ERI3: variants seen among roughly 807,000 people sequenced by gnomAD.
ERI3 encodes ERI1 exoribonuclease family member 3, also known as ERI1 exoribonuclease 3.
Under a neutral mutation model 44.4 loss-of-function variants are expected in ERI3, and 18 were observed. That is an observed-to-expected ratio of 0.41 (90% confidence interval 0.28 to 0.60). The LOEUF is 0.60. Ranked by LOEUF, ERI3 falls within the 20% of genes least tolerant of loss-of-function variation. The probability of loss-of-function intolerance (pLI) is 0.36; values close to 1 mark genes in which losing one functional copy is unlikely to be tolerated. For missense variants in ERI3, 294 were observed against 435.5 expected, an observed-to-expected ratio of 0.68 and a Z score of 2.89; for synonymous variants, 183 against 164.8, an observed-to-expected ratio of 1.11 and a Z score of -0.84.
At chr1:44,238,194 C>T (rs920576799) in intron 8 of ERI3, among the ~76,000 whole-genome samples, 8 of 152,116 alleles carry the variant, frequency 5.3e-5, no homozygotes, top group Non-Finnish European at 1.0e-4. Flanking sequence ...GCCTCCCTCC[C>T]CCACCAGAGC....
intron 2 of ERI3, among the ~76,000 whole-genome samples, chr1:44,350,131 G>A (rs550806213): frequency 6.6e-6 from 1 of 152,260 alleles, no homozygotes; most frequent in East Asian, 1.9e-4. Flanking sequence ...TAGGAAAATG[G>A]GTCATCCTCT....
chr1:44,298,160 C>T (rs555181738), intron 6 of ERI3, among the ~76,000 whole-genome samples: 1 of 152,364 alleles, frequency 6.6e-6, no homozygotes, highest in Admixed American at 6.5e-5. Context: ...TTATTCACTG[C>T]TGTATCCTTA....
At chr1:44,266,482 G>A (rs1478332582) in intron 7 of ERI3, among the ~76,000 whole-genome samples, 4 of 152,166 alleles carry the variant, frequency 2.6e-5, no homozygotes, top group Non-Finnish European at 5.9e-5. Flanking sequence ...AGGGTTTGAT[G>A]GTTCAGGCAC....
At chr1:44,277,857 T>C (rs569174346) in intron 7 of ERI3, among the ~76,000 whole-genome samples, 10 of 152,258 alleles carry the variant, frequency 6.6e-5, no homozygotes, top group African/African-American at 2.4e-4. Flanking sequence ...ATGTGAAAAA[T>C]AATAGCAACC....
chr1:44,353,524 G>T (rs1367934990), intron 1 of ERI3: 1 of 985,294 alleles, frequency 1.0e-6, no homozygotes, highest in African/African-American at 1.7e-5. Context: ...TTTGCATAAA[G>T]AAACACCTAG....
chr1:44,242,075 C>G (rs1388060462), intron 8 of ERI3: 1 of 985,578 alleles, frequency 1.0e-6, no homozygotes, highest in African/African-American at 1.7e-5. Flanking sequence ...CAGGCCAGTG[C>G]AGACCCTGTC....
intron 8 of ERI3, chr1:44,244,070 C>T (rs558841055): frequency 6.6e-6 from 1 of 152,376 alleles, no homozygotes; most frequent in African/African-American, 2.4e-5. Flanking sequence ...ACATAAAGTG[C>T]TTCCAAATAA....
intron 8 of ERI3, among the ~76,000 whole-genome samples, chr1:44,244,537 T>C (rs566694739): frequency 1.3e-5 from 2 of 152,266 alleles, no homozygotes; most frequent in South Asian, 4.1e-4. Context: ...TGATATATGG[T>C]AGGTCCAAGG....
chr1:44,225,563 C>T (rs780990496), intron 8 of ERI3, among the ~76,000 whole-genome samples: 5 of 152,182 alleles, frequency 3.3e-5, no homozygotes, highest in African/African-American at 4.8e-5. Flanking sequence ...GTGAGGAGTG[C>T]AGCTGCATAA....
At chr1:44,324,676 G>T (rs1288327223) in intron 3 of ERI3, among the ~76,000 whole-genome samples, 3 of 152,048 alleles carry the variant, frequency 2.0e-5, no homozygotes, top group Non-Finnish European at 4.4e-5. Flanking sequence ...TAGAGACAGA[G>T]TTTCACCGTG....
At chr1:44,322,973 G>A in intron 3 of ERI3, 1 of 1,381,870 alleles carries the variant, frequency 7.2e-7, no homozygotes, top group South Asian at 1.7e-5. Context: ...CCAAGTGCCA[G>A]CCTCTATGTC....
At position 44,247,932 on chromosome 1, in the gene ERI3, G is replaced by C. The variant is rs886509408; in HGVS notation, c.931+7C>G. ...GAGCTGCCGGGGGAATATGCGAAGG[G>C]ACTGACCAATGCCGCTGTGGGGCCG... On this transcript the variant is annotated splice_region_variant and intron_variant, in intron 8 of 8. Transcript: ENST00000372257. The C allele has an allele frequency of 2.5e-6, 4 of 1,609,000 alleles. No homozygotes were observed. In the East Asian group the frequency reaches 6.7e-5, roughly 27 times the overall value.
Position 44,248,026 on chromosome 1 carries a change from C to T in ERI3, c.844G>A (p.Ala282Thr). The T allele has an allele frequency of 6.2e-7, 1 of 1,611,426 alleles. No homozygotes were observed. Among genetic ancestry groups the T allele is most frequent in the Non-Finnish European group, 8.5e-7 (1 of 1,178,834 alleles). Residue 282 changes from alanine to threonine, a missense_variant, in exon 8 of 9, where the codon GCC (alanine) becomes ACC (threonine). Ala to Thr is a moderately conservative substitution (Grantham distance 58). This residue lies in a region of ERI3 where 187 missense variants were observed against 338.6 expected (regional missense o/e 0.55). Transcript: ENST00000372257. ...WINLKKAYSF[A>T]MGCWPKNGLL... is the part of the protein sequence containing the mutation. ...CCATTCTTGGGCCAGCAGCCCATGG[C>T]GAAGCTGTAAGCCTGGAAGACAGGA...
At chr1:44,244,427 C>G (rs1358264621) in intron 8 of ERI3, among the ~76,000 whole-genome samples, 1 of 152,178 alleles carries the variant, frequency 6.6e-6, no homozygotes, top group East Asian at 1.9e-4. Context: ...CACCCTCAGT[C>G]CCCAGGGCCA....
rs966698061 is a variant in ERI3 at position 44,336,572 on chromosome 1, T to A, written c.489+2473A>T. Among the ~76,000 whole-genome samples, 15 of 152,232 alleles carry A rather than the reference T, an allele frequency of 9.9e-5. No individual in the cohort carries two copies. The South Asian group carries it at 1.2e-3, about 13-fold the overall frequency. ...AGAAGTTAAGATTGATCTGACAGGA[T>A]TTGCTCTTCTTCACAAACCCATGTA... On this transcript the variant is annotated intron_variant, in intron 3 of 8. Transcript: ENST00000372257.
At chr1:44,342,880 T>G (rs1165103119) in intron 2 of ERI3, among the ~76,000 whole-genome samples, 1 of 77,836 alleles carries the variant, frequency 1.3e-5, no homozygotes, top group Non-Finnish European at 2.7e-5. Flanking sequence ...TTTTTTTTTT[T>G]TTTTTTTTGT....
intron 8 of ERI3, among the ~76,000 whole-genome samples, chr1:44,238,036 A>G (rs535455188): frequency 7.8e-4 from 118 of 152,148 alleles, no homozygotes; most frequent in African/African-American, 2.7e-3. Context: ...CCTCGGCCCT[A>G]CGCGGCCTCT....
intron 1 of ERI3, 83 bp downstream of exon 1, chr1:44,354,809 G>A (rs866006435): frequency 1.5e-6 from 2 of 1,303,100 alleles, no homozygotes; most frequent in Middle Eastern, 4.1e-4. Context: ...ACCCCAGGTT[G>A]CATAAATTCT....
intron 6 of ERI3, among the ~76,000 whole-genome samples, chr1:44,291,882 C>CAAAT (rs1645514687): frequency 6.6e-6 from 1 of 152,158 alleles, no homozygotes; most frequent in Non-Finnish European, 1.5e-5. Context: ...ACTCATTCTC[C>CAAAT]CCATCAAAGT....
Sources: allele counts gnomAD v4.1 joint callset (sites outside exome capture counted in the v4.1 genomes callset), GRCh38; gene constraint gnomAD v4.1.1; regional missense constraint gnomAD v4.1.1; transcripts MANE v1.5; gene names NCBI Gene and HGNC (gene_info 2026-07-23, HGNC 2026-07-21).